The following NPAS3 variants were observed in gnomAD, a reference collection of about 807,000 sequenced individuals.
NPAS3 encodes neuronal PAS domain protein 3.
NPAS3 carries 14 observed loss-of-function variants against 73.1 expected under a neutral mutation model. That is an observed-to-expected ratio of 0.19 (90% CI 0.13 to 0.30). The LOEUF (loss-of-function observed/expected upper bound fraction) is 0.30, where lower values mean the gene tolerates loss of function less well. Among genes scored for constraint, NPAS3 ranks in the 10% least tolerant of loss-of-function variants. The probability of loss-of-function intolerance (pLI) is 1.00; values close to 1 mark genes in which losing one functional copy is unlikely to be tolerated. For missense variants in NPAS3, 1,096 were observed against 1,250.0 expected (o/e 0.88, Z 1.86); for synonymous variants, 620 against 541.5 (o/e 1.14, Z -2.01).
At chr14:33,225,226 T>C (rs1286520897) in intron 3 of NPAS3, among the ~76,000 whole-genome samples, 1 of 152,228 alleles carries the variant, frequency 6.6e-6, no homozygotes, top group African/African-American at 2.4e-5. Flanking sequence ...TAAGACTTTA[T>C]AACTGAACTA....
intron 4 of NPAS3, among the ~76,000 whole-genome samples, chr14:33,446,506 A>G (rs1442656320): frequency 1.3e-5 from 2 of 152,184 alleles, no homozygotes; most frequent in Non-Finnish European, 2.9e-5. Context: ...AAGAGGATAC[A>G]TAGATATTCC....
At chr14:33,147,731 AT>A (rs201977397) in intron 2 of NPAS3, among the ~76,000 whole-genome samples, 4,002 of 33,542 alleles carry the variant, frequency 0.12, 123 homozygotes, top group African/African-American at 0.33. Context: ...AGAATAAAAA[AT>A]ATATATATAT....
chr14:33,761,123 C>G, intron 7 of NPAS3, among the ~76,000 whole-genome samples: 1 of 152,242 alleles, frequency 6.6e-6, no homozygotes, highest in East Asian at 1.9e-4. Context: ...ACGTGTACTA[C>G]AGGGGAATAT....
chr14:33,262,480 G>T (rs34245631), intron 3 of NPAS3, among the ~76,000 whole-genome samples: 9 of 152,104 alleles, frequency 5.9e-5, no homozygotes, highest in Non-Finnish European at 1.3e-4. Flanking sequence ...ATTGAAATTA[G>T]GTAGACACAC....
intron 4 of NPAS3, among the ~76,000 whole-genome samples, chr14:33,387,775 TAATTCATC>T (rs1163397223): frequency 6.6e-6 from 1 of 152,218 alleles, no homozygotes; most frequent in African/African-American, 2.4e-5. Context: ...AATTGAATAC[TAATTCATC>T]AAATATTGAT....
intron 3 of NPAS3, among the ~76,000 whole-genome samples, chr14:33,281,013 GT>G (rs2041580226): frequency 6.6e-6 from 1 of 152,152 alleles, no homozygotes; most frequent in East Asian, 1.9e-4. Flanking sequence ...ATTGACTTTT[GT>G]CTGTAACTGG....
chr14:33,204,692 AG>A (rs1460292552), intron 2 of NPAS3, among the ~76,000 whole-genome samples: 1 of 152,110 alleles, frequency 6.6e-6, no homozygotes, highest in Non-Finnish European at 1.5e-5. Flanking sequence ...TGGGATTCCG[AG>A]GGGACCATAA....
chr14:33,501,331 A>G (rs2052503370), intron 4 of NPAS3, among the ~76,000 whole-genome samples: 2 of 151,956 alleles, frequency 1.3e-5, no homozygotes, highest in South Asian at 2.1e-4. Context: ...GGTATTTTGC[A>G]TAATCTATAA....
chr14:33,801,119 C>G, downstream of NPAS3: 8 of 1,567,872 alleles, frequency 5.1e-6, no homozygotes, highest in East Asian at 4.7e-5. Context: ...AGGCGCCGCC[C>G]GTCCTGGGCC....
At chr14:33,566,390 T>C (rs1351105334) in intron 5 of NPAS3, among the ~76,000 whole-genome samples, 1 of 152,144 alleles carries the variant, frequency 6.6e-6, no homozygotes, top group Admixed American at 6.5e-5. Flanking sequence ...GGCAGGATCC[T>C]TGGGGGAAAA....
At chr14:33,354,624 G>T (rs1025990767) in intron 3 of NPAS3, among the ~76,000 whole-genome samples, 1 of 152,164 alleles carries the variant, frequency 6.6e-6, no homozygotes, top group Non-Finnish European at 1.5e-5. Flanking sequence ...TAGGCATCAA[G>T]ATGGGCTTGT....
intron 6 of NPAS3, among the ~76,000 whole-genome samples, chr14:33,726,158 G>A (rs1209085813): frequency 1.3e-5 from 2 of 152,116 alleles, no homozygotes; most frequent in Non-Finnish European, 2.9e-5. Context: ...TCTCCAAAGA[G>A]AAATGTATCA....
chr14:33,779,864 G>A (rs2062926574), intron 9 of NPAS3, among the ~76,000 whole-genome samples: 1 of 152,174 alleles, frequency 6.6e-6, no homozygotes, highest in Non-Finnish European at 1.5e-5. Flanking sequence ...AAATGAGATG[G>A]TACAGCCTAA....
intron 6 of NPAS3, among the ~76,000 whole-genome samples, chr14:33,714,487 G>T (rs2060906570): frequency 6.6e-6 from 1 of 152,088 alleles, no homozygotes; most frequent in Non-Finnish European, 1.5e-5. Flanking sequence ...GGGTGAACTT[G>T]CTTTCCCTGA....
At chr14:33,432,262 CTTTAGTA>C (rs2048816430) in intron 4 of NPAS3, among the ~76,000 whole-genome samples, 1 of 152,104 alleles carries the variant, frequency 6.6e-6, no homozygotes, top group Admixed American at 6.6e-5. Flanking sequence ...ATTGGTTTCC[CTTTAGTA>C]AAATGTTCCT....
chr14:33,493,584 G>A (rs931493200), intron 4 of NPAS3, among the ~76,000 whole-genome samples: 1 of 152,098 alleles, frequency 6.6e-6, no homozygotes, highest in Non-Finnish European at 1.5e-5. Flanking sequence ...ACCTCAGCCC[G>A]CTGTGAGAGG....
chr14:33,087,886 T>A (rs1203784374), intron 2 of NPAS3, among the ~76,000 whole-genome samples: 1 of 152,236 alleles, frequency 6.6e-6, no homozygotes, highest in Non-Finnish European at 1.5e-5. Flanking sequence ...AATGTGTTTA[T>A]ATTCATAATT....
At chr14:33,459,597 G>A (rs1437870826) in intron 4 of NPAS3, among the ~76,000 whole-genome samples, 1 of 152,160 alleles carries the variant, frequency 6.6e-6, no homozygotes, top group African/African-American at 2.4e-5. Flanking sequence ...CTGTAGAAGA[G>A]GAATATTAAT....
chr14:33,468,625 C>T (rs183368484), intron 4 of NPAS3, among the ~76,000 whole-genome samples: 26 of 152,260 alleles, frequency 1.7e-4, no homozygotes, highest in African/African-American at 6.3e-4. Flanking sequence ...TTAACTCATA[C>T]TCTTTCTGGA....
Sources: allele counts gnomAD v4.1 joint callset (sites outside exome capture counted in the v4.1 genomes callset), GRCh38; gene constraint gnomAD v4.1.1; transcripts MANE v1.5; gene names NCBI Gene and HGNC (gene_info 2026-07-23, HGNC 2026-07-21).